Variants in CNTN5 observed in about 807,000 individuals in gnomAD.
CNTN5 encodes the protein contactin 5.
Under a neutral mutation model 129.1 loss-of-function variants are expected in CNTN5, and 77 were observed. The observed-to-expected ratio is 0.60, with a 90% CI of 0.50 to 0.72. The LOEUF is 0.72. Among genes scored for constraint, CNTN5 ranks in the 30% least tolerant of loss-of-function variants. The pLI is 0.00. For missense variants in CNTN5, 1,478 were observed against 1,328.8 expected, an observed-to-expected ratio of 1.11 and a Z score of -1.75; for synonymous variants, 509 against 465.6, an observed-to-expected ratio of 1.09 and a Z score of -1.20.
chr11:99,750,549 A>G (rs1169713936), intron 3 of CNTN5, among the ~76,000 whole-genome samples: 3 of 151,810 alleles, frequency 2.0e-5, no homozygotes, highest in Non-Finnish European at 2.9e-5. Flanking sequence ...TGGTAGCTAA[A>G]AAAAAAAGCT....
At chr11:99,873,360 C>A (rs1341131171) in intron 6 of CNTN5, among the ~76,000 whole-genome samples, 1 of 151,610 alleles carries the variant, frequency 6.6e-6, no homozygotes, top group African/African-American at 2.4e-5. Flanking sequence ...TATAAGAACT[C>A]AACAAGAAAA....
intron 21 of CNTN5, among the ~76,000 whole-genome samples, chr11:100,338,393 C>T (rs926506788): frequency 1.3e-5 from 2 of 152,104 alleles, no homozygotes; most frequent in African/African-American, 4.8e-5. Flanking sequence ...ATAGCAGCAC[C>T]CTTAGCACCC....
chr11:99,979,690 CT>C (rs1372367139), intron 8 of CNTN5, among the ~76,000 whole-genome samples: 4 of 152,150 alleles, frequency 2.6e-5, no homozygotes, highest in Non-Finnish European at 5.9e-5. Flanking sequence ...TAGTTCATAA[CT>C]TAGTTGTTAT....
intron 3 of CNTN5, among the ~76,000 whole-genome samples, chr11:99,595,985 C>T (rs1034012396): frequency 1.3e-5 from 2 of 152,032 alleles, no homozygotes; most frequent in Admixed American, 6.6e-5. Context: ...CTACAGACTC[C>T]GAAATTTGCA....
rs1179336255 is a variant in CNTN5 at position 99,819,637 on chromosome 11, C to G, written c.149C>G (p.Thr50Ser). 2 of 1,613,034 alleles carry G rather than the reference C, an allele frequency of 1.2e-6. No individual in the cohort carries two copies. Among genetic ancestry groups the G allele is most frequent in the African/African-American group, 1.3e-5 (1 of 75,086 alleles). The change falls in exon 4 of 25, where the codon ACC becomes AGC. Residue 50 changes from threonine (T) to serine (S), a missense_variant. Physicochemically the swap from Thr to Ser is moderately conservative, Grantham distance 58. Coordinates refer to ENST00000524871, the MANE Select transcript of CNTN5 (RefSeq NM_014361.4). ...SSSSSLFGSK[T>S]RPRYSSPSLG... ...TCTTCATCTCTCTTTGGTTCCAAAA[C>G]CAGACCACGATACAGCAGCCCTTCA...
intron 2 of CNTN5, among the ~76,000 whole-genome samples, chr11:99,490,558 T>C (rs1945997076): frequency 1.3e-5 from 2 of 152,156 alleles, no homozygotes. Context: ...ACAAAGTGCT[T>C]AGTTACTGTT....
intron 13 of CNTN5, among the ~76,000 whole-genome samples, chr11:100,189,087 G>A (rs1183052718): frequency 6.6e-6 from 1 of 151,998 alleles, no homozygotes; most frequent in Non-Finnish European, 1.5e-5. Context: ...AGGAGAGAGG[G>A]AGAAAGTGGG....
At chr11:99,650,485 C>A (rs1397578301) in intron 3 of CNTN5, among the ~76,000 whole-genome samples, 2 of 151,824 alleles carry the variant, frequency 1.3e-5, no homozygotes, top group East Asian at 1.9e-4. Flanking sequence ...CTACTCTCAG[C>A]CAGATAGCAC....
chr11:100,083,785 T>C (rs776525937), intron 13 of CNTN5, among the ~76,000 whole-genome samples: 6 of 152,142 alleles, frequency 3.9e-5, no homozygotes, highest in Non-Finnish European at 8.8e-5. Context: ...TCAGGAACTC[T>C]CAAAATATCA....
chr11:99,860,739 C>A (rs1312636876), intron 6 of CNTN5, among the ~76,000 whole-genome samples: 1 of 152,040 alleles, frequency 6.6e-6, no homozygotes, highest in Non-Finnish European at 1.5e-5. Context: ...GTGATACCTC[C>A]AGCTTTGTTA....
chr11:99,868,231 A>AG (rs1214806850), intron 6 of CNTN5, among the ~76,000 whole-genome samples: 2 of 151,892 alleles, frequency 1.3e-5, no homozygotes, highest in Admixed American at 1.3e-4. Context: ...AAAAAAAAAA[A>AG]CAAAAAATTG....
Position 99,102,046 on chromosome 11 carries a change from G to A in CNTN5, c.-210+80776G>A, listed in dbSNP as rs536272328. ...TTCCCAAACCTCAATTCTTGATTTT[G>A]TGTGCCTACAGTCTCAATACCATGT... On this transcript the variant is annotated intron_variant, in intron 1 of 24. Transcript: ENST00000524871. Among the ~76,000 whole-genome samples the A allele has an allele frequency of 2.6e-5, 4 of 152,228 alleles. No homozygotes were observed. The South Asian group carries it at 8.3e-4, about 32-fold the overall frequency.
intron 8 of CNTN5, among the ~76,000 whole-genome samples, chr11:99,984,227 A>T (rs558110765): frequency 6.6e-6 from 1 of 152,110 alleles, no homozygotes; most frequent in Non-Finnish European, 1.5e-5. Flanking sequence ...CAGTGAGCCA[A>T]GATTGTGCCA....
intron 23 of CNTN5, among the ~76,000 whole-genome samples, chr11:100,348,132 G>A (rs1320743185): frequency 6.6e-6 from 1 of 151,810 alleles, no homozygotes; most frequent in Non-Finnish European, 1.5e-5. Context: ...AGCTGTCATT[G>A]CAACTGTCAA....
intron 1 of CNTN5, among the ~76,000 whole-genome samples, chr11:99,259,112 T>G (rs550232452): frequency 6.6e-6 from 1 of 151,910 alleles, no homozygotes; most frequent in Non-Finnish European, 1.5e-5. Flanking sequence ...ACACACATAA[T>G]ACATGCAAAT....
At chr11:99,356,843 A>C (rs1938707738) in intron 2 of CNTN5, among the ~76,000 whole-genome samples, 1 of 152,188 alleles carries the variant, frequency 6.6e-6, no homozygotes. Flanking sequence ...GGAAATAATT[A>C]GGTTCTGTAT....
intron 1 of CNTN5, among the ~76,000 whole-genome samples, chr11:99,185,560 GT>G (rs572223616): frequency 2.0e-5 from 3 of 151,466 alleles, no homozygotes; most frequent in East Asian, 1.9e-4. Context: ...ATCCTCAAAA[GT>G]TTTTTTTCCC....
At position 99,805,470 on chromosome 11, in the gene CNTN5, A is replaced by G. The variant is rs1353558351; in HGVS notation, c.56-14074A>G. Among the ~76,000 whole-genome samples, 5 of 152,210 alleles carry G rather than the reference A, an allele frequency of 3.3e-5. No individual in the cohort carries two copies. The East Asian group carries it at 9.6e-4, about 29-fold the overall frequency. On this transcript the variant is annotated intron_variant, in intron 3 of 24. Transcript: ENST00000524871. The stretch of plus-strand genomic sequence containing the variant: ...AAAATTAGAAATATTGTTTGTCATC[A>G]TGAAGGCAAACTAACTTGTTAATTG...
rs61754104 is a variant in CNTN5, at chr11:99,845,112, G to A, written c.427G>A (p.Asp143Asn). 1.9e-5 allele frequency: 30 copies of A among 1,613,496 alleles called. No homozygotes were observed. The highest frequency in any genetic ancestry group is 2.4e-5 in the Non-Finnish European group (28 of 1,179,764). The change falls in exon 6 of 25, where the codon GAT (aspartate) becomes AAT (asparagine). Residue 143 changes from aspartate (D) to asparagine (N), a missense_variant. Asp to Asn is a conservative substitution (Grantham distance 23). Transcript: ENST00000524871. ...YRWLRNGTEI[D>N]LESDYRYSLI... ...ATGGCTTCGAAATGGAACAGAAATA[G>A]ATCTGGAAAGTGATTATCGCTACAG...
Sources: gnomAD v4.1 joint callset for allele counts (sites outside exome capture counted in the v4.1 genomes callset) on GRCh38, gnomAD v4.1.1 for gene constraint, MANE v1.5 for transcripts, NCBI Gene and HGNC (gene_info 2026-07-23, HGNC 2026-07-21) for gene names.